PDS5A: variants seen among roughly 807,000 people sequenced by gnomAD.
PDS5A encodes the protein sister chromatid cohesion protein PDS5 homolog A.
Under a neutral mutation model 167.1 loss-of-function variants are expected in PDS5A, and 42 were observed. The ratio of observed to expected loss-of-function variants is 0.25; its 90% confidence interval spans 0.20 to 0.33. The LOEUF (loss-of-function observed/expected upper bound fraction) is 0.33. Ranked by LOEUF, PDS5A falls within the 10% of genes least tolerant of loss-of-function variation. The pLI is 1.00. For synonymous variants in PDS5A, 553 were observed against 554.6 expected, an observed-to-expected ratio of 1.00 and a Z score of 0.04; for missense variants, 1,033 against 1,605.9, an observed-to-expected ratio of 0.64 and a Z score of 6.10.
At position 39,913,722 on chromosome 4, in the gene PDS5A, T is replaced by C. The variant is rs1359371487; in HGVS notation, c.881A>G (p.Asn294Ser). ...MPQLEFKLKSNDGEERLAVVR... is the reference protein window; with the variant it reads ...MPQLEFKLKSSDGEERLAVVR... ...AACAGCTAATCGCTCTTCTCCATCA[T>C]TGCTCTAAGAAGGGAAAACAGAAAG... is the stretch of plus-strand genomic sequence containing the variant. Residue 294 changes from asparagine to serine, a missense_variant, in exon 9 of 33, where the codon AAT becomes AGT. Asn to Ser is a conservative substitution (Grantham distance 46). Around this residue, in one of 4 missense-constraint regions of PDS5A, gnomAD observed 388 missense variants for 615.1 expected, o/e 0.63. Transcript: ENST00000303538. 3.8e-6 allele frequency: 6 copies of C among 1,558,616 alleles called. No homozygotes were observed. Among genetic ancestry groups the C allele is most frequent in the East Asian group, 2.2e-5 (1 of 44,598 alleles).
At chr4:39,896,691 A>G (rs1427971030) in intron 16 of PDS5A, among the ~76,000 whole-genome samples, 3 of 151,958 alleles carry the variant, frequency 2.0e-5, no homozygotes, top group South Asian at 2.1e-4. Flanking sequence ...ACGTGAACCC[A>G]GGAGGCTGAG....
intron 2 of PDS5A, among the ~76,000 whole-genome samples, chr4:39,950,443 G>C (rs1728242140): frequency 6.6e-6 from 1 of 151,524 alleles, no homozygotes; most frequent in Non-Finnish European, 1.5e-5. Flanking sequence ...AAACAAGTTA[G>C]AAATTATTAA....
intron 32 of PDS5A, among the ~76,000 whole-genome samples, chr4:39,833,292 C>G (rs1434517194): frequency 6.7e-6 from 1 of 149,422 alleles, no homozygotes; most frequent in Non-Finnish European, 1.5e-5. Flanking sequence ...CATCAAATGT[C>G]TGGTGAAGCT....
In PDS5A at chr4:39,839,255, T is replaced by C. The variant is rs191383301; in HGVS notation, c.3658-1047A>G. ...TTTCAAACACCAAGCAGAAAGAGTT[T>C]AGATAGCAAGAGATTGATCTAAAAA... On this transcript the variant is annotated intron_variant, in intron 31 of 32. Transcript: ENST00000303538. 1.3e-4 allele frequency among the ~76,000 whole-genome samples: 20 copies of C among 152,182 alleles called. No individual in the cohort carries two copies. In the South Asian group the frequency reaches 2.3e-3, roughly 17 times the overall value.
chr4:39,959,142 A>G (rs181095373), intron 2 of PDS5A, among the ~76,000 whole-genome samples: 7 of 152,284 alleles, frequency 4.6e-5, no homozygotes, highest in South Asian at 2.1e-4. Context: ...AATTACAATC[A>G]TCTCAAAATA....
intron 2 of PDS5A, among the ~76,000 whole-genome samples, chr4:39,961,162 T>C (rs748139305): frequency 9.2e-5 from 14 of 152,200 alleles, no homozygotes; most frequent in Non-Finnish European, 1.8e-4. Flanking sequence ...GGATTTCATA[T>C]ATTGTAACGA....
intron 22 of PDS5A, among the ~76,000 whole-genome samples, 154 bp downstream of exon 22, chr4:39,869,240 G>A (rs1284072403): frequency 1.3e-5 from 2 of 152,228 alleles, no homozygotes; most frequent in Non-Finnish European, 2.9e-5. Context: ...GGAGGCTGAA[G>A]TGGGAGGATC....
At chr4:39,899,361 AT>A (rs1248686232) in intron 14 of PDS5A, among the ~76,000 whole-genome samples, 4 of 152,138 alleles carry the variant, frequency 2.6e-5, no homozygotes, top group Non-Finnish European at 4.4e-5. Context: ...CTAAATTTGA[AT>A]AATTTAGTTC....
chr4:39,917,221 T>C (rs1481486320), intron 7 of PDS5A, 33 bp from the exon 8 acceptor site: 12 of 1,429,602 alleles, frequency 8.4e-6, no homozygotes, highest in Non-Finnish European at 1.1e-5. Context: ...AAAGAAAACA[T>C]CCAGTTCATT....
At chr4:39,902,520 C>G (rs574820487) in intron 12 of PDS5A, 60 bp from the exon 13 acceptor site, 1 of 807,324 alleles carries the variant, frequency 1.2e-6, no homozygotes, top group Non-Finnish European at 2.0e-6. Context: ...TTTTAAGAAG[C>G]AATTTTTTTT....
intron 32 of PDS5A, among the ~76,000 whole-genome samples, chr4:39,827,800 A>G (rs1239678470): frequency 6.6e-6 from 1 of 152,206 alleles, no homozygotes; most frequent in Non-Finnish European, 1.5e-5. Context: ...CTTTAAATTC[A>G]AATTCCCCAG....
chr4:39,935,969 C>T (rs1040975977), intron 2 of PDS5A, among the ~76,000 whole-genome samples: 1 of 152,156 alleles, frequency 6.6e-6, no homozygotes, highest in African/African-American at 2.4e-5. Context: ...ACCAACTGTC[C>T]TTCAAAAGGT....
chr4:39,836,555 C>T (rs534108392), intron 32 of PDS5A, among the ~76,000 whole-genome samples: 2 of 151,612 alleles, frequency 1.3e-5, no homozygotes, highest in East Asian at 3.9e-4. Context: ...CTGTCTCAGC[C>T]TCCTGAGTAG....
chr4:39,937,538 T>C (rs763289607), intron 2 of PDS5A, among the ~76,000 whole-genome samples: 1 of 152,160 alleles, frequency 6.6e-6, no homozygotes, highest in East Asian at 1.9e-4. Context: ...CTCGGTCTCC[T>C]GAGTAGCTGG....
intron 7 of PDS5A, among the ~76,000 whole-genome samples, chr4:39,918,195 A>C (rs1382003105): frequency 3.3e-5 from 5 of 151,496 alleles, no homozygotes; most frequent in Non-Finnish European, 5.9e-5. Context: ...AAAAAAAAAA[A>C]AAAAAACAGA....
At chr4:39,915,332 C>T (rs963136743) in intron 8 of PDS5A, among the ~76,000 whole-genome samples, 1 of 147,270 alleles carries the variant, frequency 6.8e-6, no homozygotes, top group Non-Finnish European at 1.5e-5. Context: ...TGAGGTACCA[C>T]AACCGGCCTG....
At chr4:39,884,472 T>C (rs1179115366) in intron 17 of PDS5A, among the ~76,000 whole-genome samples, 1 of 152,212 alleles carries the variant, frequency 6.6e-6, no homozygotes, top group Non-Finnish European at 1.5e-5. Flanking sequence ...ACGATGTACA[T>C]GTTGGAAAGG....
At chr4:39,913,179 G>A (rs563978074) in intron 9 of PDS5A, among the ~76,000 whole-genome samples, 6 of 151,716 alleles carry the variant, frequency 4.0e-5, no homozygotes, top group African/African-American at 1.2e-4. Flanking sequence ...TCTGCCTCCC[G>A]GGTTCAAGGA....
chr4:39,944,572 TA>T, intron 2 of PDS5A, among the ~76,000 whole-genome samples: 1 of 151,166 alleles, frequency 6.6e-6, no homozygotes, highest in East Asian at 2.0e-4. Flanking sequence ...TGCATGCCTG[TA>T]ATACCAGCTA....
Sources: allele counts gnomAD v4.1 joint callset (sites outside exome capture counted in the v4.1 genomes callset), GRCh38; gene constraint gnomAD v4.1.1; regional missense constraint gnomAD v4.1.1; transcripts MANE v1.5; gene names NCBI Gene and HGNC (gene_info 2026-07-23, HGNC 2026-07-21).